SMARCA4: variants seen among roughly 807,000 people sequenced by gnomAD.
SMARCA4 encodes the protein SWI/SNF-related matrix-associated actin-dependent regulator of chromatin subfamily A member 4.
Under a neutral mutation model 193.9 loss-of-function variants are expected in SMARCA4, and 31 were observed. The ratio of observed to expected loss-of-function variants is 0.16; its 90% CI spans 0.12 to 0.22. The LOEUF is 0.22. SMARCA4 is among the 10% of genes least tolerant of loss of function. SMARCA4 has a pLI of 1.00. For missense variants in SMARCA4, 1,148 were observed against 2,296.0 expected (o/e 0.50, Z 10.22); for synonymous variants, 942 against 933.1 (o/e 1.01, Z -0.17).
intron 11 of SMARCA4, among the ~76,000 whole-genome samples, chr19:11,000,657 G>A (rs180837358): frequency 6.6e-6 from 1 of 152,138 alleles, no homozygotes; most frequent in Admixed American, 6.6e-5. Flanking sequence ...GAGGCAGGCA[G>A]ATCATGAGGT....
At chr19:11,061,198 AAAAAAAATATATATATATAT>A (rs1277080366) in intron 34 of SMARCA4, among the ~76,000 whole-genome samples, 8 of 76,222 alleles carry the variant, frequency 1.0e-4, no homozygotes, top group African/African-American at 3.9e-4. Flanking sequence ...TAAAAAAAAA[AAAAAAAATATATATATATAT>A]ATATATATAT....
chr19:11,059,202 G>C, intron 32 of SMARCA4: 1 of 355,400 alleles, frequency 2.8e-6, no homozygotes, highest in Admixed American at 4.4e-5. Context: ...ATAAAGATAG[G>C]CACAACAGAA....
intron 30 of SMARCA4, among the ~76,000 whole-genome samples, chr19:11,047,133 A>C (rs1460126259): frequency 1.3e-5 from 2 of 152,120 alleles, no homozygotes; most frequent in Admixed American, 1.3e-4. Context: ...GATCACCCTC[A>C]AGTGCCGTCA....
At chr19:10,988,421 A>G (rs536482219) in intron 6 of SMARCA4, among the ~76,000 whole-genome samples, 2 of 152,206 alleles carry the variant, frequency 1.3e-5, no homozygotes, top group African/African-American at 2.4e-5. Flanking sequence ...TTCTCTTTTT[A>G]TGATTGATAT....
chr19:10,962,691 C>T (rs1258479298), intron 1 of SMARCA4, among the ~76,000 whole-genome samples: 2 of 152,008 alleles, frequency 1.3e-5, no homozygotes, highest in Non-Finnish European at 1.5e-5. Context: ...TACAGGCGCC[C>T]GCCACCACGC....
chr19:10,995,695 G>A (rs894989829), intron 9 of SMARCA4, among the ~76,000 whole-genome samples: 1 of 152,242 alleles, frequency 6.6e-6, no homozygotes, highest in Non-Finnish European at 1.5e-5. Context: ...TCCCAGAACA[G>A]CGTTGTGTGG....
At chr19:11,005,491 C>A (rs1462296255) in intron 13 of SMARCA4, among the ~76,000 whole-genome samples, 2 of 152,192 alleles carry the variant, frequency 1.3e-5, no homozygotes, top group Non-Finnish European at 2.9e-5. Flanking sequence ...AGGTGCATTC[C>A]ACATTTGGGC....
At chr19:11,037,144 C>T (rs2075313891) in intron 29 of SMARCA4, among the ~76,000 whole-genome samples, 1 of 152,208 alleles carries the variant, frequency 6.6e-6, no homozygotes, top group African/African-American at 2.4e-5. Context: ...TGTGATTTCT[C>T]TTTAATATCT....
intron 1 of SMARCA4, chr19:10,983,729 C>T (rs565532101): frequency 1.1e-4 from 24 of 227,922 alleles, no homozygotes; most frequent in South Asian, 4.7e-4. Flanking sequence ...CCACTGCACC[C>T]GGCCAGTCAG....
chr19:11,057,953 T>C (rs2147079123), intron 30 of SMARCA4, among the ~76,000 whole-genome samples: 1 of 151,298 alleles, frequency 6.6e-6, no homozygotes, highest in Non-Finnish European at 1.5e-5. Flanking sequence ...AAATACAAAA[T>C]TAGCCTGGCA....
intron 9 of SMARCA4, chr19:10,995,522 G>A (rs2086954372): frequency 6.6e-6 from 3 of 456,290 alleles, no homozygotes; most frequent in African/African-American, 4.0e-5. Flanking sequence ...GGGAAGTGGA[G>A]TGGAAGGGGA....
chr19:11,047,273 A>G (rs1363103317), intron 30 of SMARCA4, among the ~76,000 whole-genome samples: 1 of 152,174 alleles, frequency 6.6e-6, no homozygotes, highest in African/African-American at 2.4e-5. Context: ...AGGTGGGCGG[A>G]TCACTTGAGG....
At position 11,034,940 on chromosome 19, in the gene SMARCA4, G is replaced by C. The variant is rs1060502090; in HGVS notation, c.3978G>C (p.Glu1326Asp). The change falls in exon 29 of 35, where the codon GAG becomes GAC. Residue 1326 changes from glutamate (E) to aspartate (D), a missense_variant. Glu to Asp is a conservative substitution (Grantham distance 45). Coordinates refer to ENST00000344626, the MANE Select transcript of SMARCA4 (RefSeq NM_003072.5). The surrounding 1 kb of genome is among the most constrained non-coding windows in gnomAD (Gnocchi z 7.0). Reference sequence around the variant, plus strand: ...GCATGGACCTGGACCGCAGGCGCGAGGAGGCCCGCAACCCCAAGCGGAAGC... The same window carrying C: ...GCATGGACCTGGACCGCAGGCGCGACGAGGCCCGCAACCCCAAGCGGAAGC... Reference protein sequence around the residue: ...FMRMDLDRRREEARNPKRKPR... With the variant: ...FMRMDLDRRRDEARNPKRKPR... 1.3e-6 allele frequency: 2 copies of C among 1,583,060 alleles called. No homozygotes were observed. The highest frequency in any genetic ancestry group is 1.7e-6 in the Non-Finnish European group (2 of 1,166,128).
chr19:11,041,107 G>T lies in SMARCA4; in HGVS notation c.4171-200G>T. ...AAGCTTGGGTGGGGTGCCTGCTGGG[G>T]GCAGTGCTGGTCTTTCACTGCAGCC... On this transcript the variant is annotated intron_variant, in intron 29 of 34. Transcript: ENST00000344626. This position sits in a 1 kb window ranked among gnomAD's most constrained non-coding sequence, Gnocchi z 5.6. 1 of 598,642 alleles carries T rather than the reference G, an allele frequency of 1.7e-6. No homozygotes were observed. Among genetic ancestry groups the T allele is most frequent in the Non-Finnish European group, 2.9e-6 (1 of 340,164 alleles). 37.1% of individuals were successfully genotyped at this position (598,642 alleles called of 1,614,324 possible).
chr19:10,991,462 T>C (rs1338215548), intron 8 of SMARCA4, 139 bp downstream of exon 8: 1 of 1,372,616 alleles, frequency 7.3e-7, no homozygotes, highest in East Asian at 2.5e-5. Context: ...AACAGTATTC[T>C]AGGTACTGAG....
intron 1 of SMARCA4, among the ~76,000 whole-genome samples, chr19:10,978,167 T>C (rs753851505): frequency 3.7e-4 from 56 of 152,118 alleles, no homozygotes; most frequent in Non-Finnish European, 6.6e-4. Flanking sequence ...CACAGGGAGG[T>C]GAAGGCAAGC....
Position 11,034,350 on chromosome 19 carries a change from T to C in SMARCA4, c.3951+150T>C. ...GTGCAGCCCACTCCCACCTCCAGAC[T>C]GACCCGTCTTCCACCCCCAGTCTCC... On this transcript the variant is annotated intron_variant, in intron 28 of 34. Coordinates refer to ENST00000344626, the MANE Select transcript of SMARCA4 (RefSeq NM_003072.5). This position sits in a 1 kb window ranked among gnomAD's most constrained non-coding sequence, Gnocchi z 7.0. The C allele has an allele frequency of 1.4e-6, 1 of 718,758 alleles. No individual in the cohort carries two copies. Among genetic ancestry groups the C allele is most frequent in the South Asian group, 1.5e-5 (1 of 67,536 alleles). 44.5% of individuals were successfully genotyped at this position (718,758 alleles called of 1,614,324 possible). A position where few individuals can be genotyped will look rare whatever the true frequency, so the allele number is the denominator to read the frequency against.
intron 16 of SMARCA4, among the ~76,000 whole-genome samples, chr19:11,015,376 G>A (rs1205520638): frequency 2.0e-5 from 3 of 152,132 alleles, no homozygotes; most frequent in Non-Finnish European, 2.9e-5. Context: ...TGTCCTGGTC[G>A]AGCTTGACGC....
At chr19:11,028,882 C>T (rs568094122) in intron 24 of SMARCA4, among the ~76,000 whole-genome samples, 3 of 152,198 alleles carry the variant, frequency 2.0e-5, no homozygotes, top group Non-Finnish European at 4.4e-5. Context: ...GTTCCCTACA[C>T]GACCTCCCAG....
Sources: gnomAD v4.1 joint callset for allele counts (sites outside exome capture counted in the v4.1 genomes callset) on GRCh38, gnomAD v4.1.1 for gene constraint, Gnocchi (gnomAD v3.1) non-coding constraint, MANE v1.5 for transcripts, NCBI Gene and HGNC (gene_info 2026-07-23, HGNC 2026-07-21) for gene names.